Variants in FRMPD4 observed in about 807,000 individuals in gnomAD.
FRMPD4 encodes FERM and PDZ domain containing 4, also known as FERM and PDZ domain-containing protein 4.
Under a neutral mutation model 94.1 loss-of-function variants are expected in FRMPD4, and 22 were observed. The ratio of observed to expected loss-of-function variants is 0.23; its 90% confidence interval spans 0.17 to 0.33. The LOEUF (loss-of-function observed/expected upper bound fraction) is 0.33. FRMPD4 is among the 10% of genes least tolerant of loss of function. FRMPD4 has a pLI of 1.00. For synonymous variants in FRMPD4, 631 were observed against 548.6 expected, an observed-to-expected ratio of 1.15 and a Z score of -2.10; for missense variants, 1,111 against 1,339.9, an observed-to-expected ratio of 0.83 and a Z score of 2.67.
chrX:12,178,417 T>A (rs761854497), intron 1 of FRMPD4, among the ~76,000 whole-genome samples: 1 of 112,265 alleles, frequency 8.9e-6, no homozygotes, highest in African/African-American at 3.2e-5. Context: ...GCTACTCTAG[T>A]CTGCATGATA....
intron 7 of FRMPD4, among the ~76,000 whole-genome samples, chrX:12,686,576 A>T (rs755126711): frequency 1.2e-4 from 13 of 112,427 alleles, no homozygotes; most frequent in Non-Finnish European, 1.9e-4. Flanking sequence ...TGCTCAGAAG[A>T]TTAAGCTGTT....
intron 2 of FRMPD4, among the ~76,000 whole-genome samples, chrX:12,606,001 G>T (rs1225105779): frequency 6.2e-5 from 7 of 112,289 alleles, no homozygotes. Flanking sequence ...GGCGTTTTAC[G>T]AATTGACTAA....
chrX:12,430,502 C>T (rs1241322473), intron 1 of FRMPD4, among the ~76,000 whole-genome samples: 1 of 112,111 alleles, frequency 8.9e-6, no homozygotes, highest in Non-Finnish European at 1.9e-5. Flanking sequence ...GAGTTCCTTG[C>T]TTATAGTAGG....
Position 12,624,150 on chromosome X carries a change from G to T in FRMPD4, c.422+9269G>T, listed in dbSNP as rs188604338. ...AATGCTACAGTGAGTTCTTCAGGTT[G>T]AAATGAAAGGATGCTAAGTAACTAC... is the stretch of plus-strand genomic sequence containing the variant. On this transcript the variant is annotated intron_variant, in intron 4 of 16. Coordinates refer to ENST00000675598, the MANE Select transcript of FRMPD4 (RefSeq NM_001368397.1). 9.8e-5 allele frequency among the ~76,000 whole-genome samples: 11 copies of T among 112,603 alleles called. No individual in the cohort carries two copies. In the Admixed American group the frequency reaches 1.0e-3, roughly 11 times the overall value.
chrX:12,345,110 A>G (rs1285644549), intron 1 of FRMPD4, among the ~76,000 whole-genome samples: 1 of 97,078 alleles, frequency 1.0e-5, no homozygotes, highest in Non-Finnish European at 2.1e-5. Context: ...GGATGGATGG[A>G]TGAACAGACA....
At chrX:12,129,542 C>T (rs912922749) in intron 3 of FRMPD4, among the ~76,000 whole-genome samples, 2 of 111,542 alleles carry the variant, frequency 1.8e-5, no homozygotes, top group Non-Finnish European at 3.8e-5. Flanking sequence ...TCTCCTTCTT[C>T]GGGAGATTTC....
intron 1 of FRMPD4, among the ~76,000 whole-genome samples, chrX:12,162,408 T>C (rs1235761659): frequency 8.9e-6 from 1 of 112,376 alleles, no homozygotes; most frequent in Non-Finnish European, 1.9e-5. Context: ...GCTTTAATAT[T>C]ACTGCAGCAC....
At chrX:12,684,224 A>G (rs1302281490) in intron 6 of FRMPD4, among the ~76,000 whole-genome samples, 3 of 112,574 alleles carry the variant, frequency 2.7e-5, no homozygotes, top group Non-Finnish European at 5.6e-5. Flanking sequence ...TCTCCCAAAA[A>G]TATACTGAAG....
intron 1 of FRMPD4, among the ~76,000 whole-genome samples, chrX:12,142,447 G>T (rs17327990): frequency 9.0e-6 from 1 of 110,621 alleles, no homozygotes; most frequent in Non-Finnish European, 1.9e-5. Flanking sequence ...AAAGGTCAGG[G>T]TTTTTCCCAT....
intron 1 of FRMPD4, among the ~76,000 whole-genome samples, chrX:12,145,684 C>G (rs775385704): frequency 1.8e-5 from 2 of 112,901 alleles, no homozygotes; most frequent in South Asian, 7.4e-4. Flanking sequence ...AGTTGGATAG[C>G]TGTGACAGAA....
At chrX:12,078,842 T>C (rs764634655) in intron 3 of FRMPD4, among the ~76,000 whole-genome samples, 1 of 111,802 alleles carries the variant, frequency 8.9e-6, no homozygotes, top group South Asian at 3.8e-4. Context: ...CAACTAAAAA[T>C]GTCTCCAGAC....
chrX:12,427,869 A>G (rs2056963796), intron 1 of FRMPD4, among the ~76,000 whole-genome samples: 1 of 106,585 alleles, frequency 9.4e-6, no homozygotes, highest in African/African-American at 3.4e-5. Context: ...TATGACAGAT[A>G]AGGATGTTAA....
intron 1 of FRMPD4, among the ~76,000 whole-genome samples, chrX:12,145,167 A>G (rs1367170502): frequency 8.9e-6 from 1 of 112,098 alleles, no homozygotes; most frequent in East Asian, 2.8e-4. Context: ...AAGTTCATAA[A>G]ATTAATGGTA....
At chrX:12,603,165 C>G (rs1056682785) in intron 2 of FRMPD4, among the ~76,000 whole-genome samples, 4 of 112,090 alleles carry the variant, frequency 3.6e-5, no homozygotes, top group Non-Finnish European at 7.5e-5. Context: ...TGTTTATACT[C>G]CATAAGTAGT....
chrX:12,499,437 T>C (rs1200242967), intron 2 of FRMPD4, among the ~76,000 whole-genome samples: 1 of 112,102 alleles, frequency 8.9e-6, no homozygotes, highest in Non-Finnish European at 1.9e-5. Context: ...ATCCACAATG[T>C]TGTGCAACCA....
chrX:11,824,345 G>A (rs1036956709), intron 1 of FRMPD4, among the ~76,000 whole-genome samples: 4 of 111,697 alleles, frequency 3.6e-5, no homozygotes, highest in African/African-American at 1.3e-4. Flanking sequence ...TGAAATATCG[G>A]AGCCATTAGC....
chrX:12,450,939 C>CTCA, intron 1 of FRMPD4, among the ~76,000 whole-genome samples: 1 of 106,373 alleles, frequency 9.4e-6, no homozygotes, highest in East Asian at 3.0e-4. Context: ...CCAGTGGCCC[C>CTCA]TCATCTTATT....
In FRMPD4 at chrX:12,553,454, A is replaced by C. The variant is rs868151372; in HGVS notation, c.158+54658A>C. Among the ~76,000 whole-genome samples the C allele has an allele frequency of 6.6e-3, 370 of 55,721 alleles. 21 individuals are homozygous for C. Among genetic ancestry groups the C allele is most frequent in the Admixed American group, 0.056 (291 of 5,201 alleles). 48.4% of individuals were successfully genotyped at this position (55,721 alleles called of 115,157 possible). On this transcript the variant is annotated intron_variant, in intron 2 of 16. Coordinates refer to ENST00000675598, the MANE Select transcript of FRMPD4 (RefSeq NM_001368397.1). ...TATGCCTATATATATATATATATAT[A>C]TATATATATATATCTAATCCACTAA... is the stretch of plus-strand genomic sequence containing the variant.
intron 3 of FRMPD4, among the ~76,000 whole-genome samples, chrX:12,052,214 T>C (rs1412868741): frequency 8.9e-6 from 1 of 112,033 alleles, no homozygotes; most frequent in Non-Finnish European, 1.9e-5. Flanking sequence ...AGGTTATTTC[T>C]GCTAGTCAGG....
Sources: allele counts gnomAD v4.1 joint callset (sites outside exome capture counted in the v4.1 genomes callset), GRCh38; gene constraint gnomAD v4.1.1; transcripts MANE v1.5; gene names NCBI Gene and HGNC (gene_info 2026-07-23, HGNC 2026-07-21).